NDST3: variants seen among roughly 807,000 people sequenced by gnomAD.
NDST3 encodes bifunctional heparan sulfate N-deacetylase/N-sulfotransferase 3.
NDST3 carries 58 observed loss-of-function variants against 96.1 expected under a neutral mutation model. The observed-to-expected ratio is 0.60, with a 90% CI of 0.49 to 0.75. The LOEUF (loss-of-function observed/expected upper bound fraction) is 0.75, where lower values mean the gene tolerates loss of function less well. Among genes scored for constraint, NDST3 ranks in the 30% least tolerant of loss-of-function variants. The probability of loss-of-function intolerance (pLI) is 0.00; values close to 1 mark genes in which losing one functional copy is unlikely to be tolerated. For synonymous variants in NDST3, 333 were observed against 359.7 expected (o/e 0.93, Z 0.84); for missense variants, 788 against 1,034.2 (o/e 0.76, Z 3.27).
intron 2 of NDST3, among the ~76,000 whole-genome samples, chr4:118,094,492 C>T (rs1729132727): frequency 6.6e-6 from 1 of 151,814 alleles, no homozygotes; most frequent in African/African-American, 2.4e-5. Context: ...TGATTATCTA[C>T]CCACTTGGTG....
intron 2 of NDST3, among the ~76,000 whole-genome samples, chr4:118,067,828 G>T (rs879907523): frequency 1.3e-5 from 2 of 151,826 alleles, no homozygotes; most frequent in East Asian, 1.9e-4. Flanking sequence ...CCTAGGTGAC[G>T]GATTGATAGG....
chr4:118,209,218 C>A (rs896573391), intron 6 of NDST3, among the ~76,000 whole-genome samples: 1 of 152,132 alleles, frequency 6.6e-6, no homozygotes, highest in African/African-American at 2.4e-5. Context: ...ATTAATATAA[C>A]CTTTGTGCTA....
At chr4:118,126,802 C>A (rs1032061904) in intron 4 of NDST3, among the ~76,000 whole-genome samples, 3 of 151,902 alleles carry the variant, frequency 2.0e-5, no homozygotes, top group African/African-American at 7.3e-5. Context: ...TAATTTACAT[C>A]CCCACCAACA....
At chr4:118,092,908 T>A (rs1177588728) in intron 2 of NDST3, among the ~76,000 whole-genome samples, 1 of 151,800 alleles carries the variant, frequency 6.6e-6, no homozygotes, top group African/African-American at 2.4e-5. Flanking sequence ...AGAGAAGTGT[T>A]GTTACATTTA....
intron 6 of NDST3, among the ~76,000 whole-genome samples, chr4:118,199,205 G>A (rs969467012): frequency 6.6e-6 from 1 of 151,912 alleles, no homozygotes; most frequent in Non-Finnish European, 1.5e-5. Context: ...CCCTTTTGAG[G>A]CTATTTTCTA....
Position 118,257,189 on chromosome 4 carries a change from A to T in NDST3, c.*1477A>T, listed in dbSNP as rs1742172114. On this transcript the variant is annotated 3_prime_UTR_variant, in exon 14 of 14. Transcript: ENST00000296499. Reference sequence around the variant, plus strand: ...AGTCTCACTATGTCACCCAGGCTGGAGTGCAATGGTGTGATCTCAGCTCAC... The same window carrying T: ...AGTCTCACTATGTCACCCAGGCTGGTGTGCAATGGTGTGATCTCAGCTCAC... 2 of 152,044 alleles carry T rather than the reference A, an allele frequency of 1.3e-5. No homozygotes were observed. Among genetic ancestry groups the T allele is most frequent in the Non-Finnish European group, 2.9e-5 (2 of 68,016 alleles). 9.4% of individuals were successfully genotyped at this position (152,044 alleles called of 1,614,324 possible).
chr4:118,240,228 T>C (rs547810930), intron 10 of NDST3, among the ~76,000 whole-genome samples: 3 of 152,088 alleles, frequency 2.0e-5, no homozygotes, highest in East Asian at 1.9e-4. Flanking sequence ...AAAGTTTACT[T>C]TCACAATAAA....
chr4:118,213,181 G>C (rs1198538254), intron 6 of NDST3, among the ~76,000 whole-genome samples: 3 of 152,166 alleles, frequency 2.0e-5, no homozygotes, highest in Admixed American at 6.5e-5. Context: ...GATTTGACAT[G>C]AAGAGGACAA....
At chr4:118,224,756 G>A (rs547775890) in intron 7 of NDST3, 83 bp downstream of exon 7, 23 of 1,262,284 alleles carry the variant, frequency 1.8e-5, no homozygotes, top group Non-Finnish European at 2.3e-5. Flanking sequence ...AAAAGTGAAG[G>A]CACCTGAAAA....
At chr4:118,101,911 A>G (rs1729797157) in intron 2 of NDST3, among the ~76,000 whole-genome samples, 1 of 152,088 alleles carries the variant, frequency 6.6e-6, no homozygotes, top group African/African-American at 2.4e-5. Context: ...ATTCATTACA[A>G]AATTTGGTTT....
intron 1 of NDST3, among the ~76,000 whole-genome samples, chr4:118,051,679 C>T (rs137873230): frequency 7.0e-4 from 107 of 152,130 alleles, no homozygotes; most frequent in African/African-American, 2.5e-3. Context: ...CAAATTATCT[C>T]TCTTTGCTGA....
intron 6 of NDST3, among the ~76,000 whole-genome samples, chr4:118,200,105 C>A (rs986902046): frequency 1.3e-5 from 2 of 152,176 alleles, no homozygotes; most frequent in Non-Finnish European, 2.9e-5. Context: ...ACAGAGCCAG[C>A]CAGGCCTATG....
At chr4:118,157,706 G>A (rs770184682) in intron 6 of NDST3, among the ~76,000 whole-genome samples, 15 of 152,110 alleles carry the variant, frequency 9.9e-5, no homozygotes, top group Admixed American at 9.8e-4. Flanking sequence ...GCAGGCATGA[G>A]CCACCTAGCC....
At chr4:118,247,247 TAG>T (rs899388924) in intron 12 of NDST3, among the ~76,000 whole-genome samples, 1 of 148,390 alleles carries the variant, frequency 6.7e-6, no homozygotes, top group Non-Finnish European at 1.5e-5. Context: ...GAGACAAATG[TAG>T]AGTTAGAAAA....
Position 118,256,830 on chromosome 4 carries a change from A to T in NDST3, c.*1118A>T, listed in dbSNP as rs1742148862. Reference sequence around the variant, plus strand: ...ATTATGTAATGTAGTAGAGATTTATAACAAAAAACAAATTAATATATTATT... The same window carrying T: ...ATTATGTAATGTAGTAGAGATTTATTACAAAAAACAAATTAATATATTATT... On this transcript the variant is annotated 3_prime_UTR_variant, in exon 14 of 14. Coordinates refer to ENST00000296499, the MANE Select transcript of NDST3 (RefSeq NM_004784.3). The T allele has an allele frequency of 1.3e-5, 2 of 152,226 alleles. No homozygotes were observed. The highest frequency in any genetic ancestry group is 4.1e-4 in the South Asian group (2 of 4,838). The allele number at this position is 152,226 out of a possible 1,614,324, so 9.4% of individuals were successfully genotyped here.
At chr4:118,137,105 T>G (rs896367598) in intron 4 of NDST3, among the ~76,000 whole-genome samples, 15 of 152,236 alleles carry the variant, frequency 9.9e-5, no homozygotes, top group Non-Finnish European at 2.1e-4. Context: ...TTAAACCATT[T>G]AGCAGCCTGA....
At chr4:118,238,121 AAGAGAGAG>A (rs377411135) in intron 10 of NDST3, among the ~76,000 whole-genome samples, 1 of 91,314 alleles carries the variant, frequency 1.1e-5, no homozygotes, top group Non-Finnish European at 2.8e-5. Context: ...CTGTCAAAAG[AAGAGAGAG>A]AGAGAGAGAG....
intron 6 of NDST3, among the ~76,000 whole-genome samples, chr4:118,214,148 G>A (rs948826204): frequency 6.6e-6 from 1 of 152,108 alleles, no homozygotes; most frequent in Non-Finnish European, 1.5e-5. Flanking sequence ...GGTATTCCAG[G>A]TAGAATAAAA....
At chr4:118,142,767 CTT>C (rs1733661065) in intron 5 of NDST3, among the ~76,000 whole-genome samples, 1 of 152,128 alleles carries the variant, frequency 6.6e-6, no homozygotes, top group South Asian at 2.1e-4. Flanking sequence ...TCTTGCACAA[CTT>C]TAATTCACAC....
Sources: gnomAD v4.1 joint callset for allele counts (sites outside exome capture counted in the v4.1 genomes callset) on GRCh38, gnomAD v4.1.1 for gene constraint, MANE v1.5 for transcripts, NCBI Gene and HGNC (gene_info 2026-07-23, HGNC 2026-07-21) for gene names.